GPR35: variants seen among roughly 807,000 people sequenced by gnomAD.
GPR35 encodes KYNA receptor.
For missense variants in GPR35, 372 were observed against 422.5 expected (o/e 0.88, Z 1.05); for synonymous variants, 207 against 198.4 (o/e 1.04, Z -0.36).
At chr2:240,616,656 C>A in intron 3 of GPR35, 1 of 667,520 alleles carries the variant, frequency 1.5e-6, no homozygotes, top group African/African-American at 1.8e-5. Flanking sequence ...AAGAGACCCC[C>A]CAGTGGGTGA....
At chr2:240,607,491 C>T (rs2043147248) in intron 2 of GPR35, 1 of 152,244 alleles carries the variant, frequency 6.6e-6, no homozygotes. Context: ...GTGCTGAACC[C>T]TGTCCATTTA....
chr2:240,622,805 G>T (rs1224155593), upstream of GPR35, among the ~76,000 whole-genome samples: 3 of 152,234 alleles, frequency 2.0e-5, no homozygotes, highest in East Asian at 3.8e-4. Context: ...CCTTGGGGGT[G>T]AGGGGGCAGC....
At chr2:240,618,925 C>T in exon 5 of GPR35, 3 of 701,564 alleles carry the variant, frequency 4.3e-6, no homozygotes, top group Non-Finnish European at 7.8e-6. Flanking sequence ...CTTCATTCAA[C>T]CTGGGCCCTT....
chr2:240,622,089 A>G (rs574102307), upstream of GPR35, among the ~76,000 whole-genome samples: 1 of 151,694 alleles, frequency 6.6e-6, no homozygotes, highest in African/African-American at 2.4e-5. Flanking sequence ...TATGTTGCCC[A>G]GGCTGGTCTC....
upstream of GPR35, among the ~76,000 whole-genome samples, chr2:240,620,797 AC>A (rs1052868068): frequency 1.3e-5 from 2 of 151,982 alleles, no homozygotes; most frequent in African/African-American, 4.8e-5. Flanking sequence ...CCTCTGCCCC[AC>A]AGCTGACAGG....
Position 240,632,739 on chromosome 2 carries a change from CCAGGCCAGTTCATGCA to C in GPR35, c.*1862_*1877del, listed in dbSNP as rs1379256302. Among the ~76,000 whole-genome samples the C allele has an allele frequency of 1.3e-5, 2 of 152,048 alleles. No homozygotes were observed. The highest frequency in any genetic ancestry group is 4.8e-5 in the African/African-American group (2 of 41,390). On this transcript the variant is annotated 3_prime_UTR_variant, in exon 2 of 2. Transcript: ENST00000407714. ...GGCCCATGCCCAGGAGGGTCCATGC[CCAGGCCAGTTCATGCA>C]CAGGAGGGCCCCATGCCTAAAAGTG... is the stretch of plus-strand genomic sequence containing the variant.
chr2:240,617,425 C>T (rs896755536), intron 4 of GPR35: 2 of 596,104 alleles, frequency 3.4e-6, no homozygotes, highest in South Asian at 2.1e-5. Flanking sequence ...AGGTAGCTGA[C>T]AATGCACAGC....
intron 5 of GPR35, among the ~76,000 whole-genome samples, chr2:240,620,232 G>T (rs984812289): frequency 6.6e-6 from 1 of 152,200 alleles, no homozygotes; most frequent in Non-Finnish European, 1.5e-5. Flanking sequence ...AGCTGGCGGG[G>T]GTGGCCCAGG....
intron 1 of GPR35, among the ~76,000 whole-genome samples, 184 bp downstream of exon 1, chr2:240,625,752 G>GAGGTGAGGCTGTGAT (rs2043364042): frequency 6.7e-6 from 1 of 149,896 alleles, no homozygotes; most frequent in Non-Finnish European, 1.5e-5. Flanking sequence ...GTCTCAGAGC[G>GAGGTGAGGCTGTGAT]GGGTGAGGCT....
chr2:240,621,763 C>T (rs76784393), upstream of GPR35, among the ~76,000 whole-genome samples: 94 of 152,314 alleles, frequency 6.2e-4, no homozygotes, highest in African/African-American at 2.0e-3. Flanking sequence ...AGCAGGGTGT[C>T]GTCAGAAAGC....
intron 2 of GPR35, among the ~76,000 whole-genome samples, chr2:240,615,861 C>A (rs1249455259): frequency 6.6e-6 from 1 of 152,188 alleles, no homozygotes; most frequent in Non-Finnish European, 1.5e-5. Flanking sequence ...AGTTTTGCAG[C>A]AGGGAAGGGA....
Position 240,632,619 on chromosome 2 carries a change from C to T in GPR35, c.*1737C>T, listed in dbSNP as rs183612690. On this transcript the variant is annotated 3_prime_UTR_variant, in exon 2 of 2. Coordinates refer to ENST00000407714, the MANE Select transcript of GPR35 (RefSeq NM_005301.5). ...AGGAGGGCCCATACACAACAGAGCC[C>T]TGTGCCCAGGAAGGACCATGTCAAG... 7.9e-5 allele frequency among the ~76,000 whole-genome samples: 12 copies of T among 151,380 alleles called. No homozygotes were observed. The highest frequency in any genetic ancestry group is 2.9e-4 in the African/African-American group (12 of 41,214).
At chr2:240,619,152 A>G in intron 5 of GPR35, 1 of 577,764 alleles carries the variant, frequency 1.7e-6, no homozygotes, top group Admixed American at 2.8e-5. Context: ...ATCAGTGATC[A>G]ATGGGTGATA....
At chr2:240,611,258 G>A (rs36086834) in intron 2 of GPR35, among the ~76,000 whole-genome samples, 7,667 of 152,168 alleles carry the variant, frequency 0.05, 309 homozygotes, top group Middle Eastern at 0.18. Flanking sequence ...ATGAGACACC[G>A]TGCCTGGCCA....
chr2:240,611,704 C>G (rs1319178158), intron 2 of GPR35, among the ~76,000 whole-genome samples: 1 of 152,170 alleles, frequency 6.6e-6, no homozygotes, highest in Non-Finnish European at 1.5e-5. Flanking sequence ...GGACAAGTTG[C>G]ATTTAAAGTG....
chr2:240,617,902 A>G (rs1456365942), intron 4 of GPR35, among the ~76,000 whole-genome samples: 1 of 152,226 alleles, frequency 6.6e-6, no homozygotes, highest in East Asian at 1.9e-4. Context: ...TTCCAGAATT[A>G]CATTAGACAT....
chr2:240,630,687 G>A lies in GPR35; in HGVS notation c.735G>A (p.Trp245Ter). ...TGACAGTGCGCCTCGCAGTGGGCTG[G>A]AACGCCTGTGCCCTCCTGGAGACGA... The part of the protein sequence containing the change: ...VGLTVRLAVG[W>*]NACALLETIR... Residue 245 changes from tryptophan (W) to a stop codon, truncating the protein, a stop_gained, in exon 2 of 2, where the codon TGG becomes TGA. Coordinates refer to ENST00000407714, the MANE Select transcript of GPR35 (RefSeq NM_005301.5). LOFTEE classifies it low-confidence loss of function (END_TRUNC). 1 of 1,613,404 alleles carries A rather than the reference G, an allele frequency of 6.2e-7. No homozygotes were observed. Among genetic ancestry groups the A allele is most frequent in the Non-Finnish European group, 8.5e-7 (1 of 1,180,020 alleles).
chr2:240,629,188 C>T (rs33978324), intron 1 of GPR35: 19,938 of 152,494 alleles, frequency 0.13, 1,722 homozygotes, highest in East Asian at 0.32. Context: ...CTCAGCTCCA[C>T]CCCTGGGCGG....
At chr2:240,619,858 G>A (rs1040596316) in intron 5 of GPR35, among the ~76,000 whole-genome samples, 3 of 152,220 alleles carry the variant, frequency 2.0e-5, no homozygotes, top group Non-Finnish European at 4.4e-5. Context: ...ACTTAGGAGT[G>A]AGGATCTTAG....
Sources: allele counts gnomAD v4.1 joint callset (sites outside exome capture counted in the v4.1 genomes callset), GRCh38; gene constraint gnomAD v4.1.1; transcripts MANE v1.5; gene names NCBI Gene and HGNC (gene_info 2026-07-23, HGNC 2026-07-21).